Variants in GPC6 observed in about 807,000 individuals in gnomAD.
The protein encoded by GPC6 is glypican 6.
GPC6 carries 14 observed loss-of-function variants against 55.2 expected under a neutral mutation model. That is an observed-to-expected ratio of 0.25 (90% confidence interval 0.17 to 0.40). The LOEUF (loss-of-function observed/expected upper bound fraction) is 0.40, where lower values mean the gene tolerates loss of function less well. Ranked by LOEUF, GPC6 falls within the 10% of genes least tolerant of loss-of-function variation. The pLI is 1.00. For synonymous variants in GPC6, 278 were observed against 259.6 expected (o/e 1.07, Z -0.68); for missense variants, 641 against 708.5 (o/e 0.90, Z 1.08).
At chr13:93,416,630 A>G (rs1386503831) in intron 1 of GPC6, among the ~76,000 whole-genome samples, 1 of 152,112 alleles carries the variant, frequency 6.6e-6, no homozygotes. Flanking sequence ...AGCAAATTGT[A>G]GGTCTTATAC....
intron 2 of GPC6, among the ~76,000 whole-genome samples, chr13:93,811,107 T>C (rs1480596563): frequency 2.6e-5 from 4 of 152,206 alleles, no homozygotes; most frequent in Non-Finnish European, 5.9e-5. Context: ...TTATGGTGGA[T>C]GGGCACAGAT....
At chr13:94,327,626 G>T (rs1877194142) in intron 6 of GPC6, among the ~76,000 whole-genome samples, 2 of 152,172 alleles carry the variant, frequency 1.3e-5, no homozygotes, top group African/African-American at 4.8e-5. Context: ...CCCTTTTCAA[G>T]AGTTTCACTT....
chr13:93,758,838 C>T, intron 2 of GPC6, among the ~76,000 whole-genome samples: 1 of 152,112 alleles, frequency 6.6e-6, no homozygotes, highest in East Asian at 1.9e-4. Context: ...TCATCATTTT[C>T]TAATTTCCTG....
chr13:94,202,620 G>T (rs1233381876), intron 4 of GPC6, among the ~76,000 whole-genome samples: 1 of 152,182 alleles, frequency 6.6e-6, no homozygotes, highest in African/African-American at 2.4e-5. Context: ...TACAATTCAA[G>T]ATGAGATTGG....
At chr13:94,402,517 G>C (rs189316176) in intron 8 of GPC6, among the ~76,000 whole-genome samples, 2 of 152,274 alleles carry the variant, frequency 1.3e-5, no homozygotes, top group East Asian at 3.9e-4. Context: ...TGGGTAGGGT[G>C]GGGGACCATG....
chr13:93,613,206 C>G (rs1878561053), intron 2 of GPC6, among the ~76,000 whole-genome samples: 1 of 152,116 alleles, frequency 6.6e-6, no homozygotes, highest in Non-Finnish European at 1.5e-5. Flanking sequence ...ACCAATGCCA[C>G]TAGTCTCTGG....
At chr13:94,148,944 A>G (rs1205721217) in intron 4 of GPC6, among the ~76,000 whole-genome samples, 4 of 145,878 alleles carry the variant, frequency 2.7e-5, no homozygotes, top group Non-Finnish European at 6.2e-5. Flanking sequence ...GAAACTTAGC[A>G]TGATGCCTAA....
intron 4 of GPC6, among the ~76,000 whole-genome samples, chr13:94,202,398 A>T (rs1460059099): frequency 6.6e-6 from 1 of 152,220 alleles, no homozygotes; most frequent in Admixed American, 6.5e-5. Context: ...CGGCTGGGGA[A>T]GTCTCACAAA....
chr13:94,207,665 A>G (rs548833019), intron 4 of GPC6, among the ~76,000 whole-genome samples: 1 of 152,266 alleles, frequency 6.6e-6, no homozygotes, highest in Non-Finnish European at 1.5e-5. Flanking sequence ...GGTGATGACC[A>G]TCAGCAGAAC....
chr13:94,275,309 G>A lies in GPC6; in HGVS notation c.878-11040G>A, dbSNP rs534565470. On this transcript the variant is annotated intron_variant, in intron 4 of 8. Transcript: ENST00000377047. ...AATCAAGCAATGGGAAGAGTGACTA[G>A]GAGTTGTAGGGTTGTTAGAGAAAGC... Among the ~76,000 whole-genome samples, 6 of 152,276 alleles carry A rather than the reference G, an allele frequency of 3.9e-5. No individual in the cohort carries two copies. The East Asian group carries it at 1.2e-3, about 29-fold the overall frequency.
Position 94,158,716 on chromosome 13 carries a change from G to T in GPC6, c.878-127633G>T, listed in dbSNP as rs9561506. On this transcript the variant is annotated intron_variant, in intron 4 of 8. Coordinates refer to ENST00000377047, the MANE Select transcript of GPC6 (RefSeq NM_005708.5). ...GTAAGTGGTAAAATTTTACCACTTC[G>T]TATCTCAACTCAGGAGTGGCAGGTG... 1.7e-3 allele frequency among the ~76,000 whole-genome samples: 253 copies of T among 152,212 alleles called. 2 individuals are homozygous for T. In the East Asian group the frequency reaches 0.041, roughly 25 times the overall value.
intron 3 of GPC6, among the ~76,000 whole-genome samples, chr13:93,882,433 C>T (rs1297226177): frequency 6.6e-6 from 1 of 152,084 alleles, no homozygotes; most frequent in Non-Finnish European, 1.5e-5. Context: ...GAGTGAGCCA[C>T]CGTGCCTGGG....
chr13:94,250,365 G>A (rs9516373), intron 4 of GPC6, among the ~76,000 whole-genome samples: 41,254 of 151,934 alleles, frequency 0.27, 6,222 homozygotes, highest in Non-Finnish European at 0.34. Context: ...TAGTTTGAGT[G>A]CTGTGTTTTC....
At chr13:94,359,849 T>C (rs573407038) in intron 6 of GPC6, among the ~76,000 whole-genome samples, 8 of 152,250 alleles carry the variant, frequency 5.3e-5, no homozygotes, top group Non-Finnish European at 1.2e-4. Context: ...TCAGATTTAC[T>C]GTCTGGCTTC....
intron 1 of GPC6, among the ~76,000 whole-genome samples, chr13:93,445,027 A>T (rs181829875): frequency 5.3e-4 from 81 of 152,306 alleles, no homozygotes; most frequent in African/African-American, 1.9e-3. Context: ...TATAAGCTAC[A>T]CCAACTCTTT....
Position 93,455,726 on chromosome 13 carries a change from G to A in GPC6, c.161-89537G>A, listed in dbSNP as rs572674441. Among the ~76,000 whole-genome samples the A allele has an allele frequency of 7.9e-5, 12 of 152,244 alleles. No individual in the cohort carries two copies. The East Asian group carries it at 2.1e-3, about 27-fold the overall frequency. On this transcript the variant is annotated intron_variant, in intron 1 of 8. Coordinates refer to ENST00000377047, the MANE Select transcript of GPC6 (RefSeq NM_005708.5). ...GAAGTGAGGCTGGTGGAAGGTCCTA[G>A]TTGCTGGCCTAACAGGCATGTTTCA...
intron 5 of GPC6, among the ~76,000 whole-genome samples, chr13:94,303,478 G>T (rs1875773387): frequency 6.6e-6 from 1 of 152,088 alleles, no homozygotes; most frequent in Non-Finnish European, 1.5e-5. Flanking sequence ...CCACACTAAA[G>T]GGTTTCTTTT....
intron 1 of GPC6, among the ~76,000 whole-genome samples, chr13:93,519,510 G>A (rs1016113403): frequency 6.6e-6 from 1 of 151,984 alleles, no homozygotes; most frequent in Non-Finnish European, 1.5e-5. Context: ...TAATGTCTGA[G>A]TTGATGAAGG....
At chr13:93,738,574 T>A (rs1037626487) in intron 2 of GPC6, among the ~76,000 whole-genome samples, 4 of 152,146 alleles carry the variant, frequency 2.6e-5, no homozygotes, top group African/African-American at 9.7e-5. Flanking sequence ...ATTTTCCCAT[T>A]CTGCATTTAA....
Sources: allele counts gnomAD v4.1 joint callset (sites outside exome capture counted in the v4.1 genomes callset), GRCh38; gene constraint gnomAD v4.1.1; transcripts MANE v1.5; gene names NCBI Gene and HGNC (gene_info 2026-07-23, HGNC 2026-07-21).